Variants in CDH8 observed in about 807,000 individuals in gnomAD.
CDH8 encodes the protein cadherin-8.
In CDH8, 17 loss-of-function variants were observed where a neutral mutation model predicts 68.1. That is an observed-to-expected ratio of 0.25 (90% CI 0.17 to 0.37). The LOEUF (loss-of-function observed/expected upper bound fraction) is 0.37, where lower values mean the gene tolerates loss of function less well. CDH8 is among the 10% of genes least tolerant of loss of function. The probability of loss-of-function intolerance (pLI) is 1.00; values close to 1 mark genes in which losing one functional copy is unlikely to be tolerated. For missense variants in CDH8, 763 were observed against 999.3 expected (o/e 0.76, Z 3.19); for synonymous variants, 372 against 365.1 (o/e 1.02, Z -0.21).
At chr16:61,683,161 T>A (rs949035431) in intron 10 of CDH8, among the ~76,000 whole-genome samples, 2 of 152,016 alleles carry the variant, frequency 1.3e-5, no homozygotes, top group Non-Finnish European at 2.9e-5. Context: ...CCTAGATAGA[T>A]AACCTCCAAT....
chr16:61,979,574 G>A (rs1229994257), intron 2 of CDH8, among the ~76,000 whole-genome samples: 2 of 151,596 alleles, frequency 1.3e-5, no homozygotes, highest in Admixed American at 1.3e-4. Context: ...TAGGCACAGG[G>A]GGTAAAAAAC....
chr16:61,693,425 C>A (rs750052059), intron 10 of CDH8: 3 of 151,964 alleles, frequency 2.0e-5, no homozygotes, highest in Non-Finnish European at 4.4e-5. Flanking sequence ...GATATAGGAC[C>A]CCAAAGCCTT....
chr16:61,930,709 A>G (rs898473039), intron 2 of CDH8, among the ~76,000 whole-genome samples: 4 of 152,212 alleles, frequency 2.6e-5, no homozygotes, highest in African/African-American at 9.6e-5. Context: ...CAGTCCTGGT[A>G]AAATAATTTC....
intron 9 of CDH8, among the ~76,000 whole-genome samples, chr16:61,715,282 G>T (rs932686025): frequency 1.3e-5 from 2 of 151,404 alleles, no homozygotes; most frequent in African/African-American, 4.8e-5. Flanking sequence ...ATAACTCATG[G>T]TTAAGACAGT....
chr16:61,720,176 T>C (rs187593754), intron 9 of CDH8, among the ~76,000 whole-genome samples: 9 of 151,086 alleles, frequency 6.0e-5, no homozygotes, highest in Non-Finnish European at 1.2e-4. Flanking sequence ...CATAGCTTAA[T>C]GGTTACAGCC....
At chr16:62,007,098 G>C (rs949120339) in intron 2 of CDH8, among the ~76,000 whole-genome samples, 1 of 151,832 alleles carries the variant, frequency 6.6e-6, no homozygotes, top group Non-Finnish European at 1.5e-5. Flanking sequence ...AGTAGAGATG[G>C]GGTTTCACCA....
At chr16:62,006,897 T>G (rs902678453) in intron 2 of CDH8, among the ~76,000 whole-genome samples, 1 of 123,884 alleles carries the variant, frequency 8.1e-6, no homozygotes, top group East Asian at 2.5e-4. Context: ...CAAAAGCCCA[T>G]TTCATAATCT....
intron 8 of CDH8, among the ~76,000 whole-genome samples, chr16:61,768,387 TCTCTCTCC>T (rs1567461279): frequency 3.5e-5 from 3 of 85,646 alleles, no homozygotes; most frequent in African/African-American, 5.7e-5. Flanking sequence ...TCTCTCTCTC[TCTCTCTCC>T]CTTTCTCTCT....
At chr16:61,945,697 C>T (rs1157874768) in intron 2 of CDH8, among the ~76,000 whole-genome samples, 2 of 151,896 alleles carry the variant, frequency 1.3e-5, no homozygotes, top group African/African-American at 2.4e-5. Flanking sequence ...GAGGGATTAG[C>T]TTCAAGGAAA....
rs143765545 is a variant in CDH8 at position 61,970,999 on chromosome 16, C to T, written c.252+50153G>A. On this transcript the variant is annotated intron_variant, in intron 2 of 11. Transcript: ENST00000577390. Reference sequence around the variant, plus strand: ...TTAAGAAGGTACTTTGTAATCTCCCCCATCCTTAAGAAGGTACTTTGTAAT... The same window carrying T: ...TTAAGAAGGTACTTTGTAATCTCCCTCATCCTTAAGAAGGTACTTTGTAAT... 6.6e-3 allele frequency among the ~76,000 whole-genome samples: 999 copies of T among 152,250 alleles called. 11 individuals carry two copies. The highest frequency in any genetic ancestry group is 0.022 in the African/African-American group (895 of 41,548).
At chr16:61,933,047 G>T (rs1337169271) in intron 2 of CDH8, among the ~76,000 whole-genome samples, 1 of 152,124 alleles carries the variant, frequency 6.6e-6, no homozygotes, top group Non-Finnish European at 1.5e-5. Flanking sequence ...AAGTAATATT[G>T]ATCAAGGAGG....
intron 7 of CDH8, among the ~76,000 whole-genome samples, chr16:61,813,384 C>G (rs1166612537): frequency 1.3e-5 from 2 of 152,134 alleles, no homozygotes; most frequent in African/African-American, 4.8e-5. Flanking sequence ...TTCTTTAATC[C>G]TCAGGTTTCA....
intron 4 of CDH8, among the ~76,000 whole-genome samples, chr16:61,840,526 A>AT (rs565626680): frequency 6.6e-4 from 100 of 152,274 alleles, no homozygotes; most frequent in African/African-American, 2.3e-3. Context: ...ATTTCTAAAT[A>AT]TTTTTCAATG....
chr16:61,812,482 G>A (rs905769422), intron 7 of CDH8, among the ~76,000 whole-genome samples: 1 of 152,040 alleles, frequency 6.6e-6, no homozygotes, highest in African/African-American at 2.4e-5. Flanking sequence ...CTTATTCAAG[G>A]TGAATGCTTG....
intron 2 of CDH8, among the ~76,000 whole-genome samples, chr16:62,020,493 C>T (rs1046412919): frequency 3.0e-4 from 25 of 82,694 alleles, no homozygotes; most frequent in African/African-American, 7.2e-4. Flanking sequence ...CACACACGCG[C>T]GCGCGCACAC....
intron 2 of CDH8, among the ~76,000 whole-genome samples, chr16:62,008,235 C>G (rs953647937): frequency 6.6e-6 from 1 of 152,114 alleles, no homozygotes; most frequent in Admixed American, 6.6e-5. Flanking sequence ...CTGCGCCCAG[C>G]TTAGGTCCTT....
chr16:61,906,298 C>G (rs1964060944), intron 2 of CDH8, among the ~76,000 whole-genome samples: 1 of 152,202 alleles, frequency 6.6e-6, no homozygotes, highest in African/African-American at 2.4e-5. Flanking sequence ...AGACACCATT[C>G]TCAAAGCTTC....
chr16:61,841,415 G>A (rs1261653330), intron 4 of CDH8, among the ~76,000 whole-genome samples: 3 of 152,120 alleles, frequency 2.0e-5, no homozygotes, highest in East Asian at 1.9e-4. Flanking sequence ...CAAGTGAAAT[G>A]AGCCAGGCAC....
chr16:61,924,471 G>T (rs571701834), intron 2 of CDH8, among the ~76,000 whole-genome samples: 4 of 152,160 alleles, frequency 2.6e-5, no homozygotes, highest in African/African-American at 9.6e-5. Context: ...ACAGGTACAT[G>T]GGATATTTAA....
Sources: allele counts gnomAD v4.1 joint callset (sites outside exome capture counted in the v4.1 genomes callset), GRCh38; gene constraint gnomAD v4.1.1; transcripts MANE v1.5; gene names NCBI Gene and HGNC (gene_info 2026-07-23, HGNC 2026-07-21).